FAM193A: variants seen among roughly 807,000 people sequenced by gnomAD.
The protein encoded by FAM193A is protein FAM193A.
A neutral mutation model predicts 126.5 loss-of-function variants in FAM193A; 22 were observed. The observed-to-expected ratio is 0.17, with a 90% CI of 0.12 to 0.25. FAM193A has a LOEUF of 0.25. FAM193A is among the 10% of genes least tolerant of loss of function. The pLI is 1.00. For missense variants in FAM193A, 1,675 were observed against 1,672.8 expected (o/e 1.00, Z -0.02); for synonymous variants, 761 against 646.8 (o/e 1.18, Z -2.68).
At chr4:2,672,835 A>G (rs545735828) in intron 13 of FAM193A, among the ~76,000 whole-genome samples, 1 of 152,344 alleles carries the variant, frequency 6.6e-6, no homozygotes, top group Admixed American at 6.5e-5. Context: ...ACACGAGCCT[A>G]AATAAAGGAA....
At chr4:2,658,495 G>C (rs1711989177) in intron 8 of FAM193A, among the ~76,000 whole-genome samples, 1 of 152,160 alleles carries the variant, frequency 6.6e-6, no homozygotes, top group African/African-American at 2.4e-5. Flanking sequence ...TGGAAACTTG[G>C]CTTCCCCTGA....
intron 1 of FAM193A, among the ~76,000 whole-genome samples, chr4:2,566,566 T>C (rs13125794): frequency 6.6e-6 from 1 of 151,962 alleles, no homozygotes; most frequent in Non-Finnish European, 1.5e-5. Context: ...TGTGCGCCTG[T>C]AGTCCCCAGC....
chr4:2,556,852 C>CATGTTAG (rs1033552545), intron 1 of FAM193A, among the ~76,000 whole-genome samples: 4 of 152,058 alleles, frequency 2.6e-5, no homozygotes, highest in African/African-American at 9.7e-5. Flanking sequence ...TTTTGAGCAC[C>CATGTTAG]ATGTTAGATA....
intron 5 of FAM193A, 32 bp downstream of exon 5, chr4:2,631,201 T>G (rs781770559): frequency 6.4e-7 from 1 of 1,572,846 alleles, no homozygotes; most frequent in Non-Finnish European, 8.6e-7. Flanking sequence ...TCTTTCTGTT[T>G]GGATGAGCTG....
chr4:2,646,343 T>G (rs2109051199), intron 6 of FAM193A, among the ~76,000 whole-genome samples: 1 of 152,108 alleles, frequency 6.6e-6, no homozygotes, highest in South Asian at 2.1e-4. Context: ...CTAATTTTTT[T>G]GTATTTTTAG....
At chr4:2,598,912 C>CTTAGACTACGTGTACCCTCTTT (rs1741029014) in intron 2 of FAM193A, among the ~76,000 whole-genome samples, 1 of 152,214 alleles carries the variant, frequency 6.6e-6, no homozygotes, top group South Asian at 2.1e-4. Context: ...GCTCTGTGCT[C>CTTAGACTACGTGTACCCTCTTT]ACGGCCTTGG....
chr4:2,603,494 T>C (rs763590084), intron 2 of FAM193A, among the ~76,000 whole-genome samples: 9 of 139,572 alleles, frequency 6.4e-5, no homozygotes, highest in Non-Finnish European at 1.1e-4. Context: ...TCTTGCTCAG[T>C]CACCCAGGCT....
intron 14 of FAM193A, 75 bp downstream of exon 14, chr4:2,689,779 G>C: frequency 9.0e-7 from 1 of 1,110,572 alleles, no homozygotes; most frequent in Non-Finnish European, 1.3e-6. Context: ...GTAGTCTCCC[G>C]TGGAAGCCCT....
chr4:2,607,864 G>A (rs577637141), intron 2 of FAM193A: 1 of 656,508 alleles, frequency 1.5e-6, no homozygotes, highest in African/African-American at 1.9e-5. Context: ...GCTCTTTATT[G>A]GTTGTATGTG....
At chr4:2,559,998 G>T (rs905651544) in intron 1 of FAM193A, among the ~76,000 whole-genome samples, 1 of 148,708 alleles carries the variant, frequency 6.7e-6, no homozygotes, top group Non-Finnish European at 1.5e-5. Flanking sequence ...CACTCTTGTT[G>T]CCCAGGCTGG....
chr4:2,656,911 A>G (rs1192368760), intron 7 of FAM193A, among the ~76,000 whole-genome samples: 1 of 152,200 alleles, frequency 6.6e-6, no homozygotes, highest in East Asian at 1.9e-4. Context: ...TCACGCTTAT[A>G]ATCCCAGCAC....
chr4:2,708,208 CT>C, intron 19 of FAM193A: 1 of 444,616 alleles, frequency 2.2e-6, no homozygotes. Flanking sequence ...TCACTGCAAC[CT>C]TCGCCTCCCA....
intron 10 of FAM193A, among the ~76,000 whole-genome samples, chr4:2,660,793 T>C (rs1386559425): frequency 1.3e-5 from 2 of 152,230 alleles, no homozygotes; most frequent in African/African-American, 4.8e-5. Flanking sequence ...TCTGGATTTC[T>C]CATGGTGACT....
chr4:2,700,622 C>G, intron 19 of FAM193A, 78 bp downstream of exon 19: 1 of 1,522,534 alleles, frequency 6.6e-7, no homozygotes, highest in Non-Finnish European at 8.8e-7. Context: ...TAGGAAAACA[C>G]TGGGTTTGGC....
intron 13 of FAM193A, among the ~76,000 whole-genome samples, chr4:2,683,810 C>T (rs1358356144): frequency 6.6e-6 from 1 of 152,160 alleles, no homozygotes; most frequent in Non-Finnish European, 1.5e-5. Flanking sequence ...CGAAACTGTC[C>T]CACAGGTTTT....
At chr4:2,707,914 T>C (rs1172071496) in intron 19 of FAM193A, among the ~76,000 whole-genome samples, 2 of 151,942 alleles carry the variant, frequency 1.3e-5, no homozygotes, top group African/African-American at 4.8e-5. Context: ...CACACTCAAC[T>C]AATTTTTGTA....
chr4:2,636,513 G>A (rs1338194792), intron 5 of FAM193A, among the ~76,000 whole-genome samples: 1 of 152,004 alleles, frequency 6.6e-6, no homozygotes, highest in African/African-American at 2.4e-5. Context: ...AAATCCACAG[G>A]CTCCAGCTCA....
At chr4:2,707,641 A>T (rs909402260) in intron 19 of FAM193A, among the ~76,000 whole-genome samples, 71 of 151,770 alleles carry the variant, frequency 4.7e-4, no homozygotes, top group Non-Finnish European at 6.6e-4. Context: ...TTTAAAAAAA[A>T]TTTTTTTTAA....
intron 2 of FAM193A, among the ~76,000 whole-genome samples, chr4:2,605,966 G>A (rs1318650158): frequency 7.9e-5 from 2 of 25,246 alleles, no homozygotes; most frequent in African/African-American, 3.0e-4. Context: ...GTGAGACTCT[G>A]TCTCAAAAAA....
Sources: allele counts gnomAD v4.1 joint callset (sites outside exome capture counted in the v4.1 genomes callset), GRCh38; gene constraint gnomAD v4.1.1; transcripts MANE v1.5; gene names NCBI Gene and HGNC (gene_info 2026-07-23, HGNC 2026-07-21).